The following FLT1 variants were observed in gnomAD, a reference collection of about 807,000 sequenced individuals.
FLT1 encodes the protein vascular endothelial growth factor receptor 1.
FLT1 carries 49 observed loss-of-function variants against 156.3 expected under a neutral mutation model. That is an observed-to-expected ratio of 0.31 (90% CI 0.25 to 0.40). The LOEUF (loss-of-function observed/expected upper bound fraction) is 0.40. Ranked by LOEUF, FLT1 falls within the 10% of genes least tolerant of loss-of-function variation. The probability of loss-of-function intolerance (pLI) is 1.00; values close to 1 mark genes in which losing one functional copy is unlikely to be tolerated. For missense variants in FLT1, 1,322 were observed against 1,637.2 expected, an observed-to-expected ratio of 0.81 and a Z score of 3.32; for synonymous variants, 594 against 583.8, an observed-to-expected ratio of 1.02 and a Z score of -0.25.
intron 1 of FLT1, among the ~76,000 whole-genome samples, chr13:28,474,094 C>T (rs755959292): frequency 1.3e-5 from 2 of 152,112 alleles, no homozygotes; most frequent in East Asian, 1.9e-4. Context: ...GCACCTTGAT[C>T]TCCTTGATCT....
intron 1 of FLT1, among the ~76,000 whole-genome samples, chr13:28,483,146 C>T (rs1262672299): frequency 1.3e-5 from 2 of 152,130 alleles, no homozygotes; most frequent in Non-Finnish European, 2.9e-5. Flanking sequence ...TCTGATCTAG[C>T]AGGAGACATT....
intron 12 of FLT1, among the ~76,000 whole-genome samples, 182 bp from the exon 13 acceptor site, chr13:28,390,286 A>C (rs746535473): frequency 3.3e-5 from 5 of 152,228 alleles, no homozygotes; most frequent in Non-Finnish European, 7.3e-5. Context: ...ATTCCATCAG[A>C]AGTGAGGTAG....
Position 28,434,088 on chromosome 13 carries a change from A to G in FLT1, c.646T>C (p.Tyr216His), listed in dbSNP as rs373088980. The change falls in exon 5 of 30, where the codon TAT becomes CAT. Residue 216 changes from tyrosine to histidine, a missense_variant. Transcript: ENST00000282397. Reference protein sequence around the residue: ...TCEATVNGHLYKTNYLTHRQT... With the variant: ...TCEATVNGHLHKTNYLTHRQT... ...CGATGTGTGAGATAGTTTGTCTTATACAAATGCCCATTGACTGTTGCTTCA... is the reference window on the plus strand; with the variant it reads ...CGATGTGTGAGATAGTTTGTCTTATGCAAATGCCCATTGACTGTTGCTTCA... 23 of 1,614,084 alleles carry G rather than the reference A, an allele frequency of 1.4e-5. No individual in the cohort carries two copies. In the African/African-American group the frequency reaches 2.9e-4, roughly 21 times the overall value.
intron 3 of FLT1, among the ~76,000 whole-genome samples, chr13:28,462,179 T>C (rs1415083979): frequency 6.6e-6 from 1 of 150,752 alleles, no homozygotes; most frequent in Admixed American, 6.6e-5. Context: ...GCTAACTAAA[T>C]TAAAGATACT....
In FLT1 at chr13:28,372,563, A is replaced by AATGT. The variant is rs1350957273; in HGVS notation, c.2116+12318_2116+12321dup. ...ATTCATATATTCCTCGTTTAAATAA[A>AATGT]ATGTATATATATATATATATATATA... On this transcript the variant is annotated intron_variant, in intron 14 of 29. Transcript: ENST00000282397. Among the ~76,000 whole-genome samples, 12 of 46,602 alleles carry AATGT rather than the reference A, an allele frequency of 2.6e-4. No individual in the cohort carries two copies. The East Asian group carries it at 4.7e-3, about 18-fold the overall frequency. 30.6% of individuals were successfully genotyped at this position (46,602 alleles called of 152,430 possible). A position where few individuals can be genotyped will look rare whatever the true frequency, so the allele number is the denominator to read the frequency against.
At chr13:28,331,446 T>G (rs1871926291) in intron 18 of FLT1, among the ~76,000 whole-genome samples, 1 of 152,256 alleles carries the variant, frequency 6.6e-6, no homozygotes, top group African/African-American at 2.4e-5. Flanking sequence ...ATGCTTTTGT[T>G]TTGAGACGGA....
chr13:28,380,882 C>T (rs1172779568), intron 14 of FLT1, among the ~76,000 whole-genome samples: 1 of 152,092 alleles, frequency 6.6e-6, no homozygotes, highest in Non-Finnish European at 1.5e-5. Flanking sequence ...TAAACCTTAC[C>T]ATATCCCTGT....
At chr13:28,490,431 C>A (rs1223427226) in intron 1 of FLT1, among the ~76,000 whole-genome samples, 1 of 152,158 alleles carries the variant, frequency 6.6e-6, no homozygotes, top group Non-Finnish European at 1.5e-5. Context: ...CTTAATGAAC[C>A]CCCCTGCAGC....
intron 1 of FLT1, among the ~76,000 whole-genome samples, chr13:28,479,578 A>T (rs1880730154): frequency 6.6e-6 from 1 of 152,220 alleles, no homozygotes; most frequent in African/African-American, 2.4e-5. Flanking sequence ...AAATTTCTGG[A>T]AGGAAAAGTA....
intron 15 of FLT1, among the ~76,000 whole-genome samples, chr13:28,354,015 C>T (rs1355819060): frequency 6.6e-6 from 1 of 152,204 alleles, no homozygotes; most frequent in Non-Finnish European, 1.5e-5. Context: ...AACTTGTTCA[C>T]TTGGTTTCAT....
rs531767165 is a variant in FLT1, at chr13:28,394,967, G to T, written c.1660+1993C>A. 7.9e-5 allele frequency among the ~76,000 whole-genome samples: 12 copies of T among 152,314 alleles called. No individual in the cohort carries two copies. In the South Asian group the frequency reaches 8.3e-4, roughly 11 times the overall value. Reference sequence around the variant, plus strand: ...ACTATCTGTGAGGGGCATGGGGAGAGCTTAGATGTGTGGGCTGGGAGACAC... The same window carrying T: ...ACTATCTGTGAGGGGCATGGGGAGATCTTAGATGTGTGGGCTGGGAGACAC... On this transcript the variant is annotated intron_variant, in intron 12 of 29. Transcript: ENST00000282397.
At position 28,438,296 on chromosome 13, in the gene FLT1, T is replaced by C. The variant is rs751264101; in HGVS notation, c.438A>G (p.Ile146Met). 6.2e-7 allele frequency: 1 copy of C among 1,612,702 alleles called. No homozygotes were observed. Among genetic ancestry groups the C allele is most frequent in the Non-Finnish European group, 8.5e-7 (1 of 1,178,612 alleles). ...CGAGCTCCCTTCCTTCAGTCATGTG[T>C]ATAATTTCGGGGATTTCACTGTACA... ...VEMYSEIPEI[I>M]HMTEGRELVI... The change falls in exon 4 of 30, where the codon ATA becomes ATG. Residue 146 changes from isoleucine to methionine, a missense_variant. Around this residue, in one of 3 missense-constraint regions of FLT1, gnomAD observed 991 missense variants for 1,254.8 expected, o/e 0.79. Coordinates refer to ENST00000282397, the MANE Select transcript of FLT1 (RefSeq NM_002019.4).
rs551341399 is a variant in FLT1 at position 28,374,067 on chromosome 13, C to T, written c.2116+10818G>A. Among the ~76,000 whole-genome samples, 53 of 151,960 alleles carry T rather than the reference C, an allele frequency of 3.5e-4. No homozygotes were observed. In the Middle Eastern group the frequency reaches 0.017, roughly 49 times the overall value. On this transcript the variant is annotated intron_variant, in intron 14 of 29. Coordinates refer to ENST00000282397, the MANE Select transcript of FLT1 (RefSeq NM_002019.4). ...GAAGCTTTAATGGGCATGGGATTTC[C>T]GATTGGGGTTATGAAAAAGTTCTGT...
At position 28,372,759 on chromosome 13, in the gene FLT1, G is replaced by A. The variant is rs562916717; in HGVS notation, c.2116+12126C>T. 5.4e-4 allele frequency among the ~76,000 whole-genome samples: 82 copies of A among 151,570 alleles called. 1 individual carries two copies. The highest frequency in any genetic ancestry group is 1.9e-3 in the African/African-American group (78 of 41,356). ...TAGCTGGGCATGGTGGTGCGGGCCT[G>A]TAGTCTCAGCTACTTGGAAGGCTGA... On this transcript the variant is annotated intron_variant, in intron 14 of 29. Transcript: ENST00000282397.
At chr13:28,359,910 A>G (rs1739507879) in intron 14 of FLT1, among the ~76,000 whole-genome samples, 1 of 152,212 alleles carries the variant, frequency 6.6e-6, no homozygotes, top group Non-Finnish European at 1.5e-5. Context: ...CAAGAGTTCA[A>G]GACCAGCCTC....
chr13:28,490,801 C>T (rs1472683459), intron 1 of FLT1, among the ~76,000 whole-genome samples: 1 of 152,220 alleles, frequency 6.6e-6, no homozygotes, highest in African/African-American at 2.4e-5. Context: ...CCTTCCTCCC[C>T]TACCTGCAAT....
chr13:28,404,518 T>C (rs1875663497), intron 11 of FLT1, among the ~76,000 whole-genome samples: 1 of 152,218 alleles, frequency 6.6e-6, no homozygotes, highest in Non-Finnish European at 1.5e-5. Flanking sequence ...ATAGATGTTA[T>C]TTGTTGTTAC....
intron 11 of FLT1, 75 bp downstream of exon 11, chr13:28,405,705 C>T: frequency 1.1e-6 from 1 of 874,790 alleles, no homozygotes; most frequent in South Asian, 1.3e-5. Context: ...CTTCTGGTGC[C>T]AATAAACCTA....
At chr13:28,408,676 C>T (rs1048510621) in intron 10 of FLT1, among the ~76,000 whole-genome samples, 1 of 152,162 alleles carries the variant, frequency 6.6e-6, no homozygotes, top group Non-Finnish European at 1.5e-5. Context: ...GCGTTCGCTC[C>T]TGATTTCGCA....
Sources: allele counts gnomAD v4.1 joint callset (sites outside exome capture counted in the v4.1 genomes callset), GRCh38; gene constraint gnomAD v4.1.1; regional missense constraint gnomAD v4.1.1; transcripts MANE v1.5; gene names NCBI Gene and HGNC (gene_info 2026-07-23, HGNC 2026-07-21).